The following ULK4 variants were observed in gnomAD, a reference collection of about 807,000 sequenced individuals.
ULK4 encodes unc-51 like kinase 4, also known as inactive serine/threonine-protein kinase ULK4.
Under a neutral mutation model 160.6 loss-of-function variants are expected in ULK4, and 133 were observed. The observed-to-expected ratio is 0.83, with a 90% CI of 0.72 to 0.96. The LOEUF is 0.96. Among genes scored for constraint, ULK4 ranks in the 40% least tolerant of loss-of-function variants. The pLI is 0.00. For synonymous variants in ULK4, 534 were observed against 539.8 expected (o/e 0.99, Z 0.15); for missense variants, 1,580 against 1,499.5 (o/e 1.05, Z -0.89).
At chr3:41,379,474 A>G (rs1445118777) in intron 35 of ULK4, among the ~76,000 whole-genome samples, 1 of 152,212 alleles carries the variant, frequency 6.6e-6, no homozygotes, top group Non-Finnish European at 1.5e-5. Flanking sequence ...TCCTTGAACA[A>G]TGGTGTTGAA....
At chr3:41,596,507 G>A (rs2031700748) in intron 31 of ULK4, among the ~76,000 whole-genome samples, 1 of 152,224 alleles carries the variant, frequency 6.6e-6, no homozygotes, top group East Asian at 1.9e-4. Flanking sequence ...AAAGGGAAGA[G>A]AAGACATAAA....
intron 32 of ULK4, among the ~76,000 whole-genome samples, chr3:41,469,157 C>G (rs979072912): frequency 6.6e-6 from 1 of 152,156 alleles, no homozygotes; most frequent in African/African-American, 2.4e-5. Flanking sequence ...CCACAAAGAG[C>G]AGAGGCTCTA....
intron 17 of ULK4, among the ~76,000 whole-genome samples, chr3:41,878,081 GAAAAAA>G (rs35037891): frequency 2.8e-5 from 3 of 108,292 alleles, no homozygotes; most frequent in African/African-American, 9.7e-5. Flanking sequence ...GCTCTACCAG[GAAAAAA>G]AAAAAAAAAA....
intron 27 of ULK4, among the ~76,000 whole-genome samples, chr3:41,703,864 AC>A (rs1559496386): frequency 2.3e-3 from 338 of 149,708 alleles, no homozygotes; most frequent in African/African-American, 7.4e-3. Context: ...ACACACACAC[AC>A]ACACACACAC....
chr3:41,601,878 A>G (rs1411869624), intron 31 of ULK4, among the ~76,000 whole-genome samples: 1 of 152,094 alleles, frequency 6.6e-6, no homozygotes, highest in Non-Finnish European at 1.5e-5. Context: ...CTTGGAATAC[A>G]AAACAAAATA....
chr3:41,871,220 T>C (rs1697078111), intron 17 of ULK4, among the ~76,000 whole-genome samples: 1 of 152,210 alleles, frequency 6.6e-6, no homozygotes, highest in Non-Finnish European at 1.5e-5. Context: ...AAGAATGGTA[T>C]ATTAATATGA....
chr3:41,675,727 A>G (rs767730122), intron 29 of ULK4, among the ~76,000 whole-genome samples: 11 of 152,206 alleles, frequency 7.2e-5, no homozygotes, highest in Non-Finnish European at 1.2e-4. Context: ...AGAAAGCCAT[A>G]TGAAAGCAGA....
intron 34 of ULK4, among the ~76,000 whole-genome samples, chr3:41,431,308 G>A (rs1291027461): frequency 6.6e-6 from 1 of 150,954 alleles, no homozygotes. Flanking sequence ...AGATCGCGCC[G>A]CTGCACTACA....
Position 41,825,579 on chromosome 3 carries a change from G to A in ULK4, c.1765-6073C>T, listed in dbSNP as rs539514852. On this transcript the variant is annotated intron_variant, in intron 18 of 36. Transcript: ENST00000301831. ...GGGTATCAGTGATGGAAGATCAAAT[G>A]AATGAAATGAAGCAAGAAGAGAAGT... Among the ~76,000 whole-genome samples the A allele has an allele frequency of 2.3e-4, 35 of 152,202 alleles. No homozygotes were observed. The South Asian group carries it at 7.1e-3, about 31-fold the overall frequency.
chr3:41,692,028 T>A (rs985023273), intron 27 of ULK4, among the ~76,000 whole-genome samples: 4 of 141,092 alleles, frequency 2.8e-5, no homozygotes, highest in African/African-American at 1.1e-4. Context: ...CTCAGCTCAC[T>A]GCAAGCTCTG....
intron 14 of ULK4, among the ~76,000 whole-genome samples, chr3:41,897,929 C>A (rs1698222133): frequency 6.6e-6 from 1 of 152,146 alleles, no homozygotes; most frequent in South Asian, 2.1e-4. Flanking sequence ...TTCTGATGGT[C>A]ACCCTAAATA....
chr3:41,540,904 A>G (rs2086673820), intron 32 of ULK4, among the ~76,000 whole-genome samples: 2 of 151,858 alleles, frequency 1.3e-5, no homozygotes, highest in Non-Finnish European at 2.9e-5. Flanking sequence ...TAAATTTGCT[A>G]AGTTCTTTGT....
In ULK4 at chr3:41,911,562, G is replaced by C. The variant is rs766529840; in HGVS notation, c.994C>G (p.Leu332Val). 6.2e-7 allele frequency: 1 copy of C among 1,613,862 alleles called. No homozygotes were observed. Among genetic ancestry groups the C allele is most frequent in the South Asian group, 1.1e-5 (1 of 91,076 alleles). Reference protein sequence around the residue: ...QAKGHKSGQPLGHSFRLENPT... With the variant: ...QAKGHKSGQPVGHSFRLENPT... ...TTACCTAGTCTGAAAGAGTGACCTA[G>C]TGGTTGACCACTCTTGTGCCCTTTT... Residue 332 changes from leucine (L) to valine (V), a missense_variant, in exon 10 of 37, where the codon CTA becomes GTA. Transcript: ENST00000301831.
intron 30 of ULK4, among the ~76,000 whole-genome samples, chr3:41,624,380 G>A (rs2033393381): frequency 6.6e-6 from 1 of 152,164 alleles, no homozygotes; most frequent in Admixed American, 6.5e-5. Flanking sequence ...ACGATCCAGA[G>A]CATCACTCAC....
intron 35 of ULK4, among the ~76,000 whole-genome samples, chr3:41,286,794 A>G (rs1473451965): frequency 1.3e-5 from 2 of 152,112 alleles, no homozygotes; most frequent in Non-Finnish European, 2.9e-5. Flanking sequence ...CTCTCCATGC[A>G]CCATTCCTCC....
chr3:41,455,689 G>A, intron 33 of ULK4, 94 bp from the exon 34 acceptor site: 1 of 1,045,096 alleles, frequency 9.6e-7, no homozygotes, highest in Non-Finnish European at 1.4e-6. Flanking sequence ...GACACAAGGG[G>A]CTGAGGAAGC....
chr3:41,248,240 G>A lies in ULK4; in HGVS notation c.3765-1248C>T, dbSNP rs186201270. On this transcript the variant is annotated intron_variant, in intron 36 of 36. Coordinates refer to ENST00000301831, the MANE Select transcript of ULK4 (RefSeq NM_017886.4). ...TCTGCCCTCGGCATAAATCTCTGTA[G>A]CTGGCTCTATAATGGCATTTTGCAC... is the stretch of plus-strand genomic sequence containing the variant. Among the ~76,000 whole-genome samples, 161 of 152,320 alleles carry A rather than the reference G, an allele frequency of 1.1e-3. 1 individual carries two copies. Among genetic ancestry groups the A allele is most frequent in the Middle Eastern group, 0.01 (3 of 294 alleles).
At chr3:41,512,227 G>C (rs564997318) in intron 32 of ULK4, among the ~76,000 whole-genome samples, 109 of 152,264 alleles carry the variant, frequency 7.2e-4, no homozygotes, top group Non-Finnish European at 1.3e-3. Context: ...AACAAGACAA[G>C]GATCCCCACT....
chr3:41,859,483 A>G, intron 17 of ULK4: 1 of 549,144 alleles, frequency 1.8e-6, no homozygotes, highest in Admixed American at 1.9e-5. Flanking sequence ...CAATATGGTA[A>G]TGATAACTTC....
Sources: gnomAD v4.1 joint callset for allele counts (sites outside exome capture counted in the v4.1 genomes callset) on GRCh38, gnomAD v4.1.1 for gene constraint, MANE v1.5 for transcripts, NCBI Gene and HGNC (gene_info 2026-07-23, HGNC 2026-07-21) for gene names.